CFAP20DC: variants seen among roughly 807,000 people sequenced by gnomAD.
CFAP20DC encodes the protein CFAP20 domain containing.
In CFAP20DC, 84 loss-of-function variants were observed where a neutral mutation model predicts 101.7. The observed-to-expected ratio is 0.83, with a 90% confidence interval of 0.69 to 0.99. CFAP20DC has a LOEUF of 0.99. Among genes scored for constraint, CFAP20DC ranks in the 50% least tolerant of loss-of-function variants. The pLI is 0.00. For synonymous variants in CFAP20DC, 359 were observed against 351.2 expected, an observed-to-expected ratio of 1.02 and a Z score of -0.25; for missense variants, 1,007 against 970.3, an observed-to-expected ratio of 1.04 and a Z score of -0.50.
chr3:58,862,823 A>G, intron 12 of CFAP20DC: 2 of 985,248 alleles, frequency 2.0e-6, no homozygotes, highest in South Asian at 4.7e-5. Flanking sequence ...ATGAATGACC[A>G]TCGTTAAAAA....
intron 5 of CFAP20DC, among the ~76,000 whole-genome samples, chr3:58,918,511 T>G (rs72881684): frequency 0.043 from 6,512 of 152,276 alleles, 462 homozygotes; most frequent in African/African-American, 0.15. Flanking sequence ...AAAACCTGCC[T>G]CTCCTCTATT....
chr3:58,912,647 A>G lies in CFAP20DC; in HGVS notation c.550+1061T>C, dbSNP rs906194244. On this transcript the variant is annotated intron_variant, in intron 6 of 16. Transcript: ENST00000482387. This position sits in a 1 kb window ranked among gnomAD's most constrained non-coding sequence, Gnocchi z 4.4. The stretch of plus-strand genomic sequence containing the variant: ...AAATAATAATCCCAGATGAAAATCA[A>G]AAGGAGGCATCAGTATTCTTTCAAT... The G allele has an allele frequency of 2.3e-6, 1 of 429,016 alleles. No homozygotes were observed. Among genetic ancestry groups the G allele is most frequent in the African/African-American group, 2.1e-5 (1 of 48,330 alleles). 26.6% of individuals were successfully genotyped at this position (429,016 alleles called of 1,614,324 possible).
intron 14 of CFAP20DC, among the ~76,000 whole-genome samples, chr3:58,808,322 G>A (rs551791534): frequency 7.9e-5 from 12 of 152,272 alleles, no homozygotes; most frequent in South Asian, 2.1e-4. Flanking sequence ...GAGAAAGGTC[G>A]GGGTACCCAC....
In CFAP20DC at chr3:58,869,391, C is replaced by G. The variant is rs2079950167; in HGVS notation, c.952G>C (p.Glu318Gln). ...GTEMSALLIP[E>Q]SEEQGNKENI... ...TCTTTATTTCCTTGTTCCTCAGACT[C>G]AGGTATCAGCAAGGCTGACATTTCT... Residue 318 changes from glutamate to glutamine, a missense_variant, in exon 9 of 17, where the codon GAG (glutamate) becomes CAG (glutamine). Transcript: ENST00000482387. This position sits in a 1 kb window ranked among gnomAD's most constrained non-coding sequence, Gnocchi z 4.3. The G allele has an allele frequency of 1.2e-6, 2 of 1,613,670 alleles. No homozygotes were observed. Among genetic ancestry groups the G allele is most frequent in the Non-Finnish European group, 1.7e-6 (2 of 1,179,672 alleles).
intron 4 of CFAP20DC, among the ~76,000 whole-genome samples, chr3:58,970,929 T>C (rs569073001): frequency 6.6e-6 from 1 of 152,204 alleles, no homozygotes; most frequent in South Asian, 2.1e-4. Flanking sequence ...GAGAAGTTAC[T>C]GTTTGGGTGT....
intron 4 of CFAP20DC, among the ~76,000 whole-genome samples, chr3:59,033,816 C>G (rs1405835185): frequency 6.6e-6 from 1 of 152,134 alleles, no homozygotes; most frequent in Non-Finnish European, 1.5e-5. Context: ...CCTAGCAAGA[C>G]AGGCCAACAT....
rs141930651 is a variant in CFAP20DC at position 58,998,367 on chromosome 3, C to T, written c.278+41190G>A. On this transcript the variant is annotated intron_variant, in intron 4 of 16. Transcript: ENST00000482387. Reference sequence around the variant, plus strand: ...TATCCTCTGTAAGCCTAAGTTTACTCGTTTGTAAATGGGTGATAACAATAT... The same window carrying T: ...TATCCTCTGTAAGCCTAAGTTTACTTGTTTGTAAATGGGTGATAACAATAT... 2.6e-4 allele frequency among the ~76,000 whole-genome samples: 39 copies of T among 152,250 alleles called. No individual in the cohort carries two copies. In the East Asian group the frequency reaches 4.4e-3, roughly 17 times the overall value.
Position 58,849,163 on chromosome 3 carries a change from A to T in CFAP20DC, c.1840T>A (p.Ser614Thr). 6.5e-7 allele frequency: 1 copy of T among 1,536,064 alleles called. No homozygotes were observed. Among genetic ancestry groups the T allele is most frequent in the Non-Finnish European group, 8.7e-7 (1 of 1,146,916 alleles). ...CLSPTGRRCG[S>T]CQKTPEPVIK... is the part of the protein sequence containing the mutation. ...ACGGGCTCTGGAGTTTTCTGACAGG[A>T]CCCACACCTTCTTCCAGTTGGAGAA... The change falls in exon 13 of 17, where the codon TCC (serine) becomes ACC (threonine). Residue 614 changes from serine (S) to threonine (T), a missense_variant. Ser to Thr is a moderately conservative substitution (Grantham distance 58). Coordinates refer to ENST00000482387, the MANE Select transcript of CFAP20DC (RefSeq NM_001394063.1).
intron 3 of CFAP20DC, chr3:58,726,706 G>T (rs1301827179): frequency 5.0e-6 from 1 of 201,836 alleles, no homozygotes. Context: ...ACCATCAGAA[G>T]AGATGAGAAG....
intron 8 of CFAP20DC, 66 bp downstream of exon 8, chr3:58,870,107 G>T (rs982104580): frequency 5.2e-6 from 3 of 575,692 alleles, no homozygotes; most frequent in African/African-American, 1.9e-5. Context: ...CCCTCTACAA[G>T]GGGAAGACAC....
At chr3:58,776,590 T>C (rs1388919952) in intron 15 of CFAP20DC, among the ~76,000 whole-genome samples, 1 of 151,204 alleles carries the variant, frequency 6.6e-6, no homozygotes, top group Non-Finnish European at 1.5e-5. Context: ...TTGTTGAAGA[T>C]AATATATAAG....
chr3:58,765,490 C>CAAAAAAAAAAAAAAAAAAAA (rs1337049385), intron 15 of CFAP20DC, among the ~76,000 whole-genome samples: 30 of 81,798 alleles, frequency 3.7e-4, no homozygotes, highest in Non-Finnish European at 5.8e-4. Context: ...AAAAAAAAAC[C>CAAAAAAAAAAAAAAAAAAAA]AAAAAAAAAA....
Position 58,806,449 on chromosome 3 carries a change from T to A in CFAP20DC, c.2183A>T (p.Asn728Ile). Reference protein sequence around the residue: ...TWNSCLPPPVNQGRHYQKEMN... With the variant: ...TWNSCLPPPVIQGRHYQKEMN... ...TTCTTTCTGATAGTGGCGACCCTGG[T>A]TGACAGGCTGGAAAAGACAAAACAT... Residue 728 changes from asparagine (N) to isoleucine (I), a missense_variant, in exon 15 of 17, where the codon AAC (asparagine) becomes ATC (isoleucine). Asn to Ile is a moderately radical substitution (Grantham distance 149). Transcript: ENST00000482387. 6.2e-7 allele frequency: 1 copy of A among 1,611,898 alleles called. No individual in the cohort carries two copies. Among genetic ancestry groups the A allele is most frequent in the Non-Finnish European group, 8.5e-7 (1 of 1,177,992 alleles).
intron 4 of CFAP20DC, among the ~76,000 whole-genome samples, chr3:59,005,073 G>A (rs1426891681): frequency 6.6e-6 from 1 of 152,104 alleles, no homozygotes; most frequent in African/African-American, 2.4e-5. Context: ...CTTGGGGTAT[G>A]GCCATGAACT....
intron 4 of CFAP20DC, among the ~76,000 whole-genome samples, chr3:59,000,308 G>GTGGGTATGGATAAAGC (rs1169168032): frequency 6.6e-5 from 10 of 152,190 alleles, no homozygotes; most frequent in African/African-American, 2.2e-4. Flanking sequence ...ATGGCCAGGA[G>GTGGGTATGGATAAAGC]TGGGTATGGA....
In CFAP20DC at chr3:58,732,787, T is replaced by C. The variant is rs1042339077; in HGVS notation, c.198-15159A>G. 5.3e-5 allele frequency among the ~76,000 whole-genome samples: 8 copies of C among 152,218 alleles called. No homozygotes were observed. The highest frequency in any genetic ancestry group is 1.3e-4 in the Admixed American group (2 of 15,286). ...AGGCAGAAAATACCTCAGAAAGAGA[T>C]GGAAAACCATGGTTTTGAAGACACT... On this transcript the variant is annotated intron_variant, in intron 3 of 3. Transcript: ENST00000486145. This position sits in a 1 kb window ranked among gnomAD's most constrained non-coding sequence, Gnocchi z 5.4.
At chr3:58,879,244 T>G (rs1374525222) in intron 7 of CFAP20DC, among the ~76,000 whole-genome samples, 1 of 152,176 alleles carries the variant, frequency 6.6e-6, no homozygotes, top group Non-Finnish European at 1.5e-5. Flanking sequence ...TATGTTAACT[T>G]CTCTGATTTG....
At chr3:58,856,332 T>G (rs2108399161) in intron 12 of CFAP20DC, among the ~76,000 whole-genome samples, 1 of 150,316 alleles carries the variant, frequency 6.7e-6, no homozygotes, top group East Asian at 2.0e-4. Context: ...TGGAGATACT[T>G]ATCTTTCAGT....
intron 15 of CFAP20DC, among the ~76,000 whole-genome samples, chr3:58,794,909 G>T (rs1159149623): frequency 1.3e-5 from 2 of 152,078 alleles, no homozygotes; most frequent in African/African-American, 4.8e-5. Flanking sequence ...ATGCTGTAGG[G>T]GTTCCCTGTT....
Sources: gnomAD v4.1 joint callset for allele counts (sites outside exome capture counted in the v4.1 genomes callset) on GRCh38, gnomAD v4.1.1 for gene constraint, Gnocchi (gnomAD v3.1) non-coding constraint, MANE v1.5 for transcripts, NCBI Gene and HGNC (gene_info 2026-07-23, HGNC 2026-07-21) for gene names.